KCNN2: variants seen among roughly 807,000 people sequenced by gnomAD.
KCNN2 encodes small conductance calcium-activated potassium channel protein 2.
Under a neutral mutation model 55.5 loss-of-function variants are expected in KCNN2, and 24 were observed. The observed-to-expected ratio is 0.43, with a 90% confidence interval of 0.31 to 0.61. The LOEUF is 0.61. KCNN2 is among the 20% of genes least tolerant of loss of function. The pLI is 0.08. For missense variants in KCNN2, 754 were observed against 853.6 expected (o/e 0.88, Z 1.45); for synonymous variants, 431 against 336.1 (o/e 1.28, Z -3.09).
chr5:114,232,922 C>CTCGTTTTTTTTTTTTTTTTTTTT (rs200715120), intron 2 of KCNN2, among the ~76,000 whole-genome samples: 1 of 44,040 alleles, frequency 2.3e-5, no homozygotes. Context: ...TATATTGTTT[C>CTCGTTTTTTTTTTTTTTTTTTTT]TTGTTTTTTT....
intron 2 of KCNN2, among the ~76,000 whole-genome samples, chr5:114,295,038 C>T (rs932025860): frequency 1.3e-5 from 2 of 152,190 alleles, no homozygotes; most frequent in Non-Finnish European, 2.9e-5. Context: ...AGATCTTCCT[C>T]CATCCCTATG....
chr5:114,215,008 G>T (rs1387004498), intron 1 of KCNN2, among the ~76,000 whole-genome samples: 1 of 152,134 alleles, frequency 6.6e-6, no homozygotes, highest in Non-Finnish European at 1.5e-5. Flanking sequence ...CAGAGGAATT[G>T]TTTACTTGTT....
intron 2 of KCNN2, among the ~76,000 whole-genome samples, chr5:114,379,299 C>A (rs181707774): frequency 0.011 from 1,683 of 151,980 alleles, 19 homozygotes; most frequent in Non-Finnish European, 0.014. Context: ...TCCTTAGTGT[C>A]CTTGGCATTA....
At chr5:114,250,236 A>C (rs370517749) in intron 2 of KCNN2, among the ~76,000 whole-genome samples, 1 of 152,216 alleles carries the variant, frequency 6.6e-6, no homozygotes, top group Non-Finnish European at 1.5e-5. Flanking sequence ...AACAAGCTAC[A>C]TTGTTCCTTA....
chr5:114,215,157 C>T (rs890498601), intron 1 of KCNN2, among the ~76,000 whole-genome samples: 5 of 152,106 alleles, frequency 3.3e-5, no homozygotes, highest in Non-Finnish European at 5.9e-5. Context: ...GTTCACAGTT[C>T]GTATTTGTAT....
At chr5:114,289,612 A>C (rs1755841224) in intron 2 of KCNN2, among the ~76,000 whole-genome samples, 1 of 151,984 alleles carries the variant, frequency 6.6e-6, no homozygotes, top group South Asian at 2.1e-4. Flanking sequence ...CCTGACCTCA[A>C]GTGATCTGCC....
At chr5:114,385,556 C>CACACACAT (rs1758256176) in intron 2 of KCNN2, among the ~76,000 whole-genome samples, 1 of 146,174 alleles carries the variant, frequency 6.8e-6, no homozygotes, top group African/African-American at 2.5e-5. Flanking sequence ...CACACACACA[C>CACACACAT]ATTATTGGAA....
intron 2 of KCNN2, among the ~76,000 whole-genome samples, chr5:114,377,831 A>G (rs1757989205): frequency 6.6e-6 from 1 of 152,184 alleles, no homozygotes; most frequent in Non-Finnish European, 1.5e-5. Flanking sequence ...ATTCAGTAAG[A>G]CAGTGTTTAT....
intron 1 of KCNN2, among the ~76,000 whole-genome samples, chr5:114,125,587 G>A (rs552027192): frequency 5.9e-5 from 9 of 152,240 alleles, no homozygotes; most frequent in South Asian, 2.1e-4. Flanking sequence ...AGATCAAGGC[G>A]TCCACAGGGT....
intron 6 of KCNN2, among the ~76,000 whole-genome samples, chr5:114,492,897 T>G (rs942448918): frequency 2.0e-4 from 30 of 152,178 alleles, no homozygotes; most frequent in African/African-American, 7.0e-4. Context: ...TTTTTTTTTT[T>G]GTTAATAAGA....
chr5:114,080,311 G>C (rs1750783242), intron 1 of KCNN2, among the ~76,000 whole-genome samples: 1 of 152,166 alleles, frequency 6.6e-6, no homozygotes, highest in African/African-American at 2.4e-5. Context: ...GGGAATCCTA[G>C]CTTTACAAAA....
At chr5:114,243,846 C>T (rs1754693979) in intron 2 of KCNN2, among the ~76,000 whole-genome samples, 1 of 152,176 alleles carries the variant, frequency 6.6e-6, no homozygotes, top group Non-Finnish European at 1.5e-5. Flanking sequence ...GCAGGTTTCA[C>T]TTTGGGTAAG....
intron 1 of KCNN2, among the ~76,000 whole-genome samples, chr5:114,215,811 C>T (rs550069519): frequency 6.6e-6 from 1 of 152,018 alleles, no homozygotes; most frequent in Non-Finnish European, 1.5e-5. Flanking sequence ...TCCTTTTGCA[C>T]CTTTATGTTA....
At chr5:114,207,063 T>C (rs775907902) in intron 1 of KCNN2, among the ~76,000 whole-genome samples, 4 of 152,198 alleles carry the variant, frequency 2.6e-5, no homozygotes, top group Non-Finnish European at 5.9e-5. Flanking sequence ...AACATGTATG[T>C]AGTGTGCATC....
intron 6 of KCNN2, among the ~76,000 whole-genome samples, chr5:114,491,645 T>C (rs1019661966): frequency 1.3e-5 from 2 of 152,092 alleles, no homozygotes; most frequent in East Asian, 1.9e-4. Context: ...TTAACTGTTT[T>C]CCATCTTAAG....
chr5:114,224,083 C>T (rs1459629317), intron 2 of KCNN2, among the ~76,000 whole-genome samples: 1 of 152,164 alleles, frequency 6.6e-6, no homozygotes, highest in East Asian at 1.9e-4. Flanking sequence ...TCTCTTCTAG[C>T]ATTTTAATAT....
intron 2 of KCNN2, among the ~76,000 whole-genome samples, chr5:114,287,690 A>T (rs1005290908): frequency 6.6e-6 from 1 of 152,030 alleles, no homozygotes; most frequent in Non-Finnish European, 1.5e-5. Context: ...GGGTGCAGTA[A>T]ACCGCCATGG....
chr5:114,326,009 G>A (rs181377762), intron 2 of KCNN2, among the ~76,000 whole-genome samples: 122 of 152,238 alleles, frequency 8.0e-4, no homozygotes, highest in South Asian at 3.1e-3. Context: ...TTCTCATATT[G>A]GTGACATAAA....
chr5:114,066,786 G>A (rs1231411628), intron 1 of KCNN2, among the ~76,000 whole-genome samples: 1 of 152,042 alleles, frequency 6.6e-6, no homozygotes, highest in Non-Finnish European at 1.5e-5. Flanking sequence ...TCATCATGTT[G>A]GCCAGGATGG....
Sources: gnomAD v4.1 joint callset for allele counts (sites outside exome capture counted in the v4.1 genomes callset) on GRCh38, gnomAD v4.1.1 for gene constraint, MANE v1.5 for transcripts, NCBI Gene and HGNC (gene_info 2026-07-23, HGNC 2026-07-21) for gene names.